The following EIF3J variants were observed in gnomAD, a reference collection of about 807,000 sequenced individuals.
The protein encoded by EIF3J is eukaryotic translation initiation factor 3 subunit J, also known as eukaryotic translation initiation factor 3, subunit 1 (alpha, 35kD).
In EIF3J, 15 loss-of-function variants were observed where a neutral mutation model predicts 39.0. The ratio of observed to expected loss-of-function variants is 0.38; its 90% confidence interval spans 0.26 to 0.59. The LOEUF (loss-of-function observed/expected upper bound fraction) is 0.59, where lower values mean the gene tolerates loss of function less well. Ranked by LOEUF, EIF3J falls within the 20% of genes least tolerant of loss-of-function variation. The pLI, the probability that EIF3J is intolerant of heterozygous loss-of-function variation, is 0.60. For missense variants in EIF3J, 226 were observed against 308.6 expected, an observed-to-expected ratio of 0.73 and a Z score of 2.00; for synonymous variants, 98 against 112.9, an observed-to-expected ratio of 0.87 and a Z score of 0.84.
At chr15:44,546,122 CTT>C (rs1219915304) in intron 2 of EIF3J, among the ~76,000 whole-genome samples, 4 of 152,140 alleles carry the variant, frequency 2.6e-5, no homozygotes, top group African/African-American at 9.7e-5. Flanking sequence ...TAGTAATTCA[CTT>C]TTATTTTTAG....
chr15:44,539,798 C>G (rs2081995130), intron 2 of EIF3J, among the ~76,000 whole-genome samples: 1 of 149,906 alleles, frequency 6.7e-6, no homozygotes, highest in Non-Finnish European at 1.5e-5. Context: ...GAGAAGGTCT[C>G]ACCCCGTTTC....
chr15:44,540,660 C>T (rs907574854), intron 2 of EIF3J, among the ~76,000 whole-genome samples: 3 of 152,158 alleles, frequency 2.0e-5, no homozygotes, highest in Admixed American at 1.3e-4. Flanking sequence ...AGGCTGGTCT[C>T]GAACTCTTGG....
Position 44,560,329 on chromosome 15 carries a change from G to C in EIF3J, c.645+7G>C. ...AAAACAGAAGCAAGAAAAGGTAAGA[G>C]CAAGCTGTGTAGGGAAATGGGTATT... On this transcript the variant is annotated splice_region_variant and intron_variant, in intron 7 of 7. Transcript: ENST00000261868. 1 of 1,612,384 alleles carries C rather than the reference G, an allele frequency of 6.2e-7. No homozygotes were observed. The highest frequency in any genetic ancestry group is 8.5e-7 in the Non-Finnish European group (1 of 1,179,660).
rs927260511 is a variant in EIF3J at position 44,561,423 on chromosome 15, A to C, written c.*274A>C. Reference sequence around the variant, plus strand: ...CGTTGTTGCTATCTGATTTCATAGCAGCAGTCACTAAATTGGAAACAAAAG... The same window carrying C: ...CGTTGTTGCTATCTGATTTCATAGCCGCAGTCACTAAATTGGAAACAAAAG... On this transcript the variant is annotated 3_prime_UTR_variant, in exon 8 of 8. Coordinates refer to ENST00000261868, the MANE Select transcript of EIF3J (RefSeq NM_003758.4). 7 of 250,286 alleles carry C rather than the reference A, an allele frequency of 2.8e-5. No individual in the cohort carries two copies. Among genetic ancestry groups the C allele is most frequent in the Non-Finnish European group, 5.5e-5 (7 of 127,876 alleles). The allele number at this position is 250,286 out of a possible 1,614,324, so 15.5% of individuals were successfully genotyped here.
chr15:44,551,564 G>A, intron 4 of EIF3J, 42 bp downstream of exon 4: 6 of 1,455,864 alleles, frequency 4.1e-6, no homozygotes, highest in Non-Finnish European at 5.6e-6. Flanking sequence ...CACATCGGTA[G>A]TGGTATAGTT....
intron 2 of EIF3J, among the ~76,000 whole-genome samples, chr15:44,539,715 G>C (rs117870938): frequency 0.027 from 4,030 of 149,658 alleles, 92 homozygotes; most frequent in East Asian, 0.1. Flanking sequence ...TGCTGTTTTA[G>C]TGCTAAATTT....
intron 6 of EIF3J, among the ~76,000 whole-genome samples, chr15:44,559,599 C>T (rs570577293): frequency 7.9e-5 from 12 of 151,210 alleles, no homozygotes; most frequent in South Asian, 4.2e-4. Flanking sequence ...CCCAGCTACT[C>T]GGGAGGCTGA....
chr15:44,558,213 GTAT>G (rs2140902624), intron 6 of EIF3J, among the ~76,000 whole-genome samples: 1 of 152,290 alleles, frequency 6.6e-6, no homozygotes, highest in Non-Finnish European at 1.5e-5. Context: ...GGTTTTGCTA[GTAT>G]TTGCAGTTTT....
At chr15:44,539,732 CTTTTTTTTTTT>C (rs77942286) in intron 2 of EIF3J, among the ~76,000 whole-genome samples, 3 of 129,224 alleles carry the variant, frequency 2.3e-5, no homozygotes, top group Middle Eastern at 3.8e-3. Flanking sequence ...ATTTCTTTTT[CTTTTTTTTTTT>C]TTTTTTTAAC....
chr15:44,548,797 G>T (rs911346960), intron 2 of EIF3J, among the ~76,000 whole-genome samples: 1 of 152,016 alleles, frequency 6.6e-6, no homozygotes, highest in Non-Finnish European at 1.5e-5. Flanking sequence ...ATTCATGAGG[G>T]CTTTGCCTCT....
chr15:44,560,644 T>G (rs951811527), intron 7 of EIF3J: 2 of 347,514 alleles, frequency 5.8e-6, no homozygotes, highest in Admixed American at 8.6e-5. Flanking sequence ...ATACTCACTT[T>G]GCAGAGTATT....
chr15:44,560,214 A>G (rs774281748), intron 6 of EIF3J, 35 bp from the exon 7 acceptor site: 2 of 1,573,318 alleles, frequency 1.3e-6, no homozygotes, highest in Non-Finnish European at 1.7e-6. Flanking sequence ...ATGCTTAAAA[A>G]TTCAAGTTTA....
rs1045137414 is a variant in EIF3J at position 44,537,356 on chromosome 15, C to A, written c.76C>A (p.Arg26=). The A allele has an allele frequency of 3.8e-6, 6 of 1,567,168 alleles. No homozygotes were observed. The highest frequency in any genetic ancestry group is 2.7e-5 in the African/African-American group (2 of 73,950). The change falls in exon 2 of 8, where the codon CGG becomes AGG. Residue 26 remains arginine (R), a synonymous_variant. Coordinates refer to ENST00000261868, the MANE Select transcript of EIF3J (RefSeq NM_003758.4). ...CGCTTTCTCCGTGGAAGACCCAGTG[C>A]GGAAGGTGGGGGGCGGCGGCACTGC... The part of the protein sequence containing the change: ...ADAFSVEDPV[R]KVGGGGTAGG...
rs767037119 is a variant in EIF3J at position 44,551,360 on chromosome 15, T to C, written c.203-71T>C. 54 of 982,478 alleles carry C rather than the reference T, an allele frequency of 5.5e-5. No homozygotes were observed. The Middle Eastern group carries it at 1.4e-3, about 25-fold the overall frequency. The allele number at this position is 982,478 out of a possible 1,614,324, so 60.9% of individuals were successfully genotyped here. ...GTTTGGTCTCTTAATAGTATACAAG[T>C]ATCATGTCTGTCTCATCCATAAACT... On this transcript the variant is annotated intron_variant, in intron 3 of 7. Coordinates refer to ENST00000261868, the MANE Select transcript of EIF3J (RefSeq NM_003758.4).
At chr15:44,546,272 A>G (rs1293199303) in intron 2 of EIF3J, among the ~76,000 whole-genome samples, 1 of 152,254 alleles carries the variant, frequency 6.6e-6, no homozygotes, top group Non-Finnish European at 1.5e-5. Context: ...CAATCTGTTA[A>G]AACTGCGAGC....
At chr15:44,557,859 T>G (rs1196758515) in intron 6 of EIF3J, 12 of 320,578 alleles carry the variant, frequency 3.7e-5, no homozygotes, top group Middle Eastern at 8.2e-4. Flanking sequence ...TAAGAGGACT[T>G]CTTGTTTTAC....
intron 4 of EIF3J, among the ~76,000 whole-genome samples, chr15:44,551,884 C>T (rs1009238205): frequency 1.3e-5 from 2 of 150,752 alleles, no homozygotes; most frequent in Admixed American, 6.6e-5. Flanking sequence ...GGCTGGAGTA[C>T]AGTGGCACAA....
At chr15:44,547,621 T>C (rs2082065638) in intron 2 of EIF3J, among the ~76,000 whole-genome samples, 1 of 151,982 alleles carries the variant, frequency 6.6e-6, no homozygotes, top group Admixed American at 6.6e-5. Context: ...GCTAATTTTT[T>C]GTATTTTTAG....
intron 2 of EIF3J, among the ~76,000 whole-genome samples, chr15:44,547,407 TGTTGG>T (rs1380577832): frequency 6.6e-6 from 1 of 151,362 alleles, no homozygotes; most frequent in Non-Finnish European, 1.5e-5. Context: ...CCTCCCAAAG[TGTTGG>T]GATTACAGGC....
Sources: gnomAD v4.1 joint callset for allele counts (sites outside exome capture counted in the v4.1 genomes callset) on GRCh38, gnomAD v4.1.1 for gene constraint, MANE v1.5 for transcripts, NCBI Gene and HGNC (gene_info 2026-07-23, HGNC 2026-07-21) for gene names.